ZDHHC14: variants seen among roughly 807,000 people sequenced by gnomAD.
ZDHHC14 encodes palmitoyltransferase ZDHHC14.
ZDHHC14 carries 16 observed loss-of-function variants against 47.7 expected under a neutral mutation model. The ratio of observed to expected loss-of-function variants is 0.34; its 90% CI spans 0.23 to 0.51. ZDHHC14 has a LOEUF of 0.51. ZDHHC14 is among the 20% of genes least tolerant of loss of function. The pLI, the probability that ZDHHC14 is intolerant of heterozygous loss-of-function variation, is 0.97. For synonymous variants in ZDHHC14, 293 were observed against 278.9 expected (o/e 1.05, Z -0.50); for missense variants, 515 against 662.5 (o/e 0.78, Z 2.44).
intron 3 of ZDHHC14, among the ~76,000 whole-genome samples, chr6:157,594,146 C>A (rs1318608600): frequency 6.6e-6 from 1 of 152,222 alleles, no homozygotes; most frequent in African/African-American, 2.4e-5. Flanking sequence ...AGTCTCAATT[C>A]TTCTTGAGAA....
At chr6:157,476,672 C>G (rs1010494275) in intron 1 of ZDHHC14, among the ~76,000 whole-genome samples, 1 of 151,868 alleles carries the variant, frequency 6.6e-6, no homozygotes, top group Non-Finnish European at 1.5e-5. Context: ...TATTAGCAAA[C>G]TGAATTTAAC....
rs1033444810 is a variant in ZDHHC14, at chr6:157,626,823, C to T, written c.566-1526C>T. ...CCCCGGGTATTCTCTGTGATACACCCGATACACCTGTGCAGCCCTCCCCAG... is the reference window on the plus strand; with the variant it reads ...CCCCGGGTATTCTCTGTGATACACCTGATACACCTGTGCAGCCCTCCCCAG... On this transcript the variant is annotated intron_variant, in intron 3 of 8. Transcript: ENST00000359775. Among the ~76,000 whole-genome samples the T allele has an allele frequency of 2.6e-5, 4 of 151,638 alleles. No homozygotes were observed. In the East Asian group the frequency reaches 7.8e-4, roughly 29 times the overall value.
intron 1 of ZDHHC14, among the ~76,000 whole-genome samples, chr6:157,504,449 ATTTTTTTTT>A (rs35677570): frequency 1.0e-5 from 1 of 96,498 alleles, no homozygotes; most frequent in Non-Finnish European, 2.0e-5. Context: ...CACCCAGCCT[ATTTTTTTTT>A]TTTTTTTTTT....
chr6:157,660,473 A>G (rs1221751131), intron 8 of ZDHHC14, among the ~76,000 whole-genome samples: 3 of 152,212 alleles, frequency 2.0e-5, no homozygotes, highest in Non-Finnish European at 4.4e-5. Context: ...GATTACAGGC[A>G]TGAACCACTG....
chr6:157,622,315 C>T (rs746305676), intron 3 of ZDHHC14, among the ~76,000 whole-genome samples: 33 of 152,060 alleles, frequency 2.2e-4, no homozygotes, highest in African/African-American at 7.2e-4. Flanking sequence ...CGCTTGAACC[C>T]GGGAGGCAGA....
intron 1 of ZDHHC14, among the ~76,000 whole-genome samples, chr6:157,523,477 C>T (rs541856528): frequency 1.9e-4 from 29 of 152,298 alleles, no homozygotes; most frequent in African/African-American, 6.7e-4. Flanking sequence ...AGCTGCTTTG[C>T]AAACTCCACC....
Position 157,612,444 on chromosome 6 carries a change from C to T in ZDHHC14, c.566-15905C>T, listed in dbSNP as rs1452974290. 3.3e-5 allele frequency among the ~76,000 whole-genome samples: 5 copies of T among 152,354 alleles called. No individual in the cohort carries two copies. In the East Asian group the frequency reaches 9.6e-4, roughly 29 times the overall value. On this transcript the variant is annotated intron_variant, in intron 3 of 8. Coordinates refer to ENST00000359775, the MANE Select transcript of ZDHHC14 (RefSeq NM_024630.3). ...CGTAGTCCTGCATGCCACCTGGGCT[C>T]CAGCCCCGAGGTCTCCTCTGGTTCC... is the stretch of plus-strand genomic sequence containing the variant.
At chr6:157,482,287 G>T (rs1269689921) in intron 1 of ZDHHC14, among the ~76,000 whole-genome samples, 1 of 140,266 alleles carries the variant, frequency 7.1e-6, no homozygotes, top group Non-Finnish European at 1.5e-5. Flanking sequence ...TTGAGATGGA[G>T]TCTTGCTCTG....
At chr6:157,490,048 T>C (rs958407583) in intron 1 of ZDHHC14, among the ~76,000 whole-genome samples, 1 of 151,918 alleles carries the variant, frequency 6.6e-6, no homozygotes, top group African/African-American at 2.4e-5. Flanking sequence ...TGGGATGGGA[T>C]GGTGGAGTGG....
intron 1 of ZDHHC14, among the ~76,000 whole-genome samples, chr6:157,512,727 A>G (rs952333031): frequency 1.3e-5 from 2 of 152,200 alleles, no homozygotes; most frequent in South Asian, 4.1e-4. Flanking sequence ...GAAATGGGTA[A>G]ACTTGTCAAA....
intron 1 of ZDHHC14, among the ~76,000 whole-genome samples, chr6:157,534,579 A>G (rs1003403057): frequency 8.6e-6 from 1 of 116,600 alleles, no homozygotes; most frequent in Admixed American, 8.0e-5. Flanking sequence ...ATTTCATTTC[A>G]TTTCATTTCA....
chr6:157,642,138 G>C (rs147448131), intron 5 of ZDHHC14, among the ~76,000 whole-genome samples: 4 of 152,284 alleles, frequency 2.6e-5, no homozygotes, highest in African/African-American at 9.6e-5. Context: ...CATTGTATTT[G>C]AATGAGAGCA....
At chr6:157,579,198 T>G (rs1302171707) in intron 2 of ZDHHC14, among the ~76,000 whole-genome samples, 2 of 122,974 alleles carry the variant, frequency 1.6e-5, no homozygotes, top group East Asian at 2.2e-4. Context: ...GTGTTTTTTT[T>G]TTTTTTTTTT....
At chr6:157,665,085 G>A (rs1490314930) in intron 8 of ZDHHC14, among the ~76,000 whole-genome samples, 1 of 152,188 alleles carries the variant, frequency 6.6e-6, no homozygotes, top group South Asian at 2.1e-4. Context: ...GGCTTACCTT[G>A]TGAGTTTCCC....
intron 2 of ZDHHC14, among the ~76,000 whole-genome samples, chr6:157,545,933 G>A (rs1781954286): frequency 6.6e-6 from 1 of 152,216 alleles, no homozygotes. Flanking sequence ...GCAATTATAG[G>A]AAAAGTGCCT....
intron 1 of ZDHHC14, among the ~76,000 whole-genome samples, chr6:157,423,507 C>A (rs1364308945): frequency 6.6e-6 from 1 of 151,986 alleles, no homozygotes; most frequent in Non-Finnish European, 1.5e-5. Context: ...ATAAAGTTCC[C>A]CTTTTATTTA....
chr6:157,637,248 C>A (rs191398536), intron 5 of ZDHHC14, among the ~76,000 whole-genome samples: 16 of 152,268 alleles, frequency 1.1e-4, no homozygotes, highest in African/African-American at 3.8e-4. Context: ...TGGTGAAGCC[C>A]TGTAGCTCCT....
chr6:157,570,022 TG>T (rs1164697485), intron 2 of ZDHHC14, among the ~76,000 whole-genome samples: 4 of 152,240 alleles, frequency 2.6e-5, no homozygotes, highest in South Asian at 2.1e-4. Context: ...CCATAATAGA[TG>T]GGCATTTTTA....
At chr6:157,509,488 G>A (rs1166572416) in intron 1 of ZDHHC14, among the ~76,000 whole-genome samples, 2 of 152,098 alleles carry the variant, frequency 1.3e-5, no homozygotes, top group African/African-American at 2.4e-5. Context: ...GAAAACTGAG[G>A]CATAGAGAAG....
Sources: allele counts gnomAD v4.1 joint callset (sites outside exome capture counted in the v4.1 genomes callset), GRCh38; gene constraint gnomAD v4.1.1; transcripts MANE v1.5; gene names NCBI Gene and HGNC (gene_info 2026-07-23, HGNC 2026-07-21).